FAT3: variants seen among roughly 807,000 people sequenced by gnomAD.
FAT3 encodes the protein FAT atypical cadherin 3, also known as protocadherin Fat 3.
Under a neutral mutation model 310.2 loss-of-function variants are expected in FAT3, and 95 were observed. That is an observed-to-expected ratio of 0.31 (90% confidence interval 0.26 to 0.36). The LOEUF (loss-of-function observed/expected upper bound fraction) is 0.36, where lower values mean the gene tolerates loss of function less well. Among genes scored for constraint, FAT3 ranks in the 10% least tolerant of loss-of-function variants. The pLI, the probability that FAT3 is intolerant of heterozygous loss-of-function variation, is 1.00. For synonymous variants in FAT3, 2,314 were observed against 2,192.9 expected, an observed-to-expected ratio of 1.06 and a Z score of -1.54; for missense variants, 5,408 against 5,715.6, an observed-to-expected ratio of 0.95 and a Z score of 1.74.
chr11:92,687,276 A>G (rs1485432356), intron 3 of FAT3, among the ~76,000 whole-genome samples: 1 of 152,178 alleles, frequency 6.6e-6, no homozygotes, highest in African/African-American at 2.4e-5. Flanking sequence ...AGAGATGACA[A>G]GACTGCGATC....
intron 2 of FAT3, among the ~76,000 whole-genome samples, chr11:92,413,742 T>C (rs1047167630): frequency 6.6e-6 from 1 of 152,180 alleles, no homozygotes; most frequent in African/African-American, 2.4e-5. Flanking sequence ...AAGTTGAAAA[T>C]TTAAGACACT....
intron 4 of FAT3, among the ~76,000 whole-genome samples, chr11:92,761,198 A>G (rs534020714): frequency 6.6e-6 from 1 of 152,274 alleles, no homozygotes; most frequent in Admixed American, 6.5e-5. Flanking sequence ...AAATCAAGGC[A>G]CTAGCAGATT....
intron 2 of FAT3, among the ~76,000 whole-genome samples, chr11:92,448,024 C>T (rs578237774): frequency 2.0e-5 from 3 of 152,232 alleles, no homozygotes; most frequent in African/African-American, 7.2e-5. Flanking sequence ...CACTCTGGGA[C>T]CACATGGCCG....
intron 3 of FAT3, among the ~76,000 whole-genome samples, chr11:92,623,998 T>C (rs1030356721): frequency 9.2e-5 from 14 of 152,108 alleles, no homozygotes; most frequent in Non-Finnish European, 1.3e-4. Context: ...TATGAAACTA[T>C]TTTTTTGTGG....
Position 92,882,595 on chromosome 11 carries a change from C to T in FAT3, c.12282-143C>T. ...TAAATTAACTCCCCCTCCCCCCCCC[C>T]ACCAACCATCTTTGTCCTGCTTCAT... On this transcript the variant is annotated intron_variant, in intron 23 of 27. Coordinates refer to ENST00000525166, the MANE Select transcript of FAT3 (RefSeq NM_001367949.2). 1.2e-5 allele frequency: 7 copies of T among 580,766 alleles called. 1 individual carries two copies. The highest frequency in any genetic ancestry group is 1.9e-5 in the Non-Finnish European group (7 of 366,102). 36.0% of individuals were successfully genotyped at this position (580,766 alleles called of 1,614,324 possible).
At chr11:92,770,155 C>T (rs996703859) in intron 6 of FAT3, among the ~76,000 whole-genome samples, 9 of 152,188 alleles carry the variant, frequency 5.9e-5, no homozygotes, top group African/African-American at 2.2e-4. Flanking sequence ...CCCTATTCTG[C>T]CCCTTTTCCC....
At chr11:92,727,967 G>A (rs929867397) in intron 4 of FAT3, among the ~76,000 whole-genome samples, 94 of 152,148 alleles carry the variant, frequency 6.2e-4, no homozygotes, top group African/African-American at 2.0e-3. Context: ...AGGGTTCTCC[G>A]GGCTTTGAGA....
At position 92,535,964 on chromosome 11, in the gene FAT3, T is replaced by C. The variant is rs192328524; in HGVS notation, c.3607+11016T>C. ...AAAGCAATTTTCTGAAAGCACTTTT[T>C]TAAAAAAGCATTGAAGTTGCTATCT... On this transcript the variant is annotated intron_variant, in intron 3 of 27. Transcript: ENST00000525166. 1.7e-4 allele frequency among the ~76,000 whole-genome samples: 26 copies of C among 151,436 alleles called. 2 individuals carry two copies. The East Asian group carries it at 4.8e-3, about 28-fold the overall frequency.
At chr11:92,567,157 C>G (rs1955489013) in intron 3 of FAT3, among the ~76,000 whole-genome samples, 1 of 149,734 alleles carries the variant, frequency 6.7e-6, no homozygotes, top group Admixed American at 6.7e-5. Context: ...GGGCTAATAT[C>G]CAGAATCTAC....
chr11:92,443,217 GGAGA>G (rs1176832782), intron 2 of FAT3, among the ~76,000 whole-genome samples: 9 of 152,302 alleles, frequency 5.9e-5, no homozygotes, highest in Admixed American at 3.3e-4. Context: ...TTTTGAGGGA[GGAGA>G]GATTCTTCCT....
chr11:92,529,692 G>A (rs1306236422), intron 3 of FAT3, among the ~76,000 whole-genome samples: 4 of 152,146 alleles, frequency 2.6e-5, no homozygotes, highest in Non-Finnish European at 5.9e-5. Context: ...ATTAGCATAT[G>A]CTGCATTGAG....
intron 13 of FAT3, among the ~76,000 whole-genome samples, chr11:92,819,659 G>A (rs1383287576): frequency 1.3e-5 from 2 of 152,156 alleles, no homozygotes; most frequent in East Asian, 3.9e-4. Flanking sequence ...CATTTTTTAA[G>A]TTGTTGTATA....
chr11:92,749,877 A>G (rs1045766244), intron 4 of FAT3, among the ~76,000 whole-genome samples: 1 of 152,256 alleles, frequency 6.6e-6, no homozygotes, highest in Non-Finnish European at 1.5e-5. Context: ...TTTTAAATCA[A>G]TCAGATCCAA....
rs1311876791 is a variant in FAT3, at chr11:92,466,726, TCCC to T, written c.3293-57904_3293-57902del. Among the ~76,000 whole-genome samples, 4 of 94,594 alleles carry T rather than the reference TCCC, an allele frequency of 4.2e-5. No homozygotes were observed. The Admixed American group carries it at 5.2e-4, about 12-fold the overall frequency. 62.1% of individuals were successfully genotyped at this position (94,594 alleles called of 152,430 possible). ...TAGGTGTATCTCCTAATGCTATCCC[TCCC>T]CCCTCCCCCCACCCCACAACAGTCC... On this transcript the variant is annotated intron_variant, in intron 2 of 27. Coordinates refer to ENST00000525166, the MANE Select transcript of FAT3 (RefSeq NM_001367949.2).
At chr11:92,507,784 A>G (rs1248751830) in intron 2 of FAT3, among the ~76,000 whole-genome samples, 1 of 151,972 alleles carries the variant, frequency 6.6e-6, no homozygotes, top group East Asian at 1.9e-4. Context: ...CACACATCCT[A>G]TATAACATAT....
chr11:92,384,297 T>C (rs1949569202), intron 2 of FAT3, among the ~76,000 whole-genome samples: 2 of 152,170 alleles, frequency 1.3e-5, no homozygotes, highest in South Asian at 4.1e-4. Context: ...CCTTAATAAG[T>C]GTGTCTGTTC....
chr11:92,499,902 G>C (rs1192160360), intron 2 of FAT3, among the ~76,000 whole-genome samples: 1 of 151,976 alleles, frequency 6.6e-6, no homozygotes, highest in Admixed American at 6.6e-5. Flanking sequence ...ATCAGAGCTT[G>C]GAGTATTAAT....
At chr11:92,773,553 C>T (rs904448556) in intron 6 of FAT3, among the ~76,000 whole-genome samples, 23 of 151,742 alleles carry the variant, frequency 1.5e-4, no homozygotes, top group East Asian at 5.8e-4. Flanking sequence ...TTATTTCTGA[C>T]GTTTAATTAA....
intron 3 of FAT3, among the ~76,000 whole-genome samples, chr11:92,601,158 T>A (rs973639386): frequency 6.6e-6 from 1 of 151,940 alleles, no homozygotes; most frequent in Admixed American, 6.6e-5. Context: ...CAACTGTTTT[T>A]TAAAAGATTA....
Sources: allele counts gnomAD v4.1 joint callset (sites outside exome capture counted in the v4.1 genomes callset), GRCh38; gene constraint gnomAD v4.1.1; transcripts MANE v1.5; gene names NCBI Gene and HGNC (gene_info 2026-07-23, HGNC 2026-07-21).